Variants in CFAP20DC observed in about 807,000 individuals in gnomAD.
CFAP20DC encodes the protein protein CFAP20DC.
CFAP20DC carries 84 observed loss-of-function variants against 101.7 expected under a neutral mutation model. The observed-to-expected ratio is 0.83, with a 90% confidence interval of 0.69 to 0.99. The LOEUF is 0.99. Among genes scored for constraint, CFAP20DC ranks in the 50% least tolerant of loss-of-function variants. The pLI, the probability that CFAP20DC is intolerant of heterozygous loss-of-function variation, is 0.00. For synonymous variants in CFAP20DC, 359 were observed against 351.2 expected (o/e 1.02, Z -0.25); for missense variants, 1,007 against 970.3 (o/e 1.04, Z -0.50).
chr3:58,855,007 G>C (rs1235188034), intron 12 of CFAP20DC, among the ~76,000 whole-genome samples: 7 of 145,956 alleles, frequency 4.8e-5, no homozygotes, highest in East Asian at 2.0e-4. Flanking sequence ...AAACTAAAGA[G>C]CTTCTGCACA....
intron 4 of CFAP20DC, among the ~76,000 whole-genome samples, chr3:59,016,186 T>C (rs1345050051): frequency 6.6e-6 from 1 of 152,144 alleles, no homozygotes; most frequent in African/African-American, 2.4e-5. Flanking sequence ...AATGGAATAC[T>C]ATCCAGCCAT....
Position 59,001,001 on chromosome 3 carries a change from T to C in CFAP20DC, c.278+38556A>G, listed in dbSNP as rs2093293953. Among the ~76,000 whole-genome samples, 1 of 151,968 alleles carries C rather than the reference T, an allele frequency of 6.6e-6. No homozygotes were observed. The highest frequency in any genetic ancestry group is 2.1e-4 in the South Asian group (1 of 4,822). On this transcript the variant is annotated intron_variant, in intron 4 of 16. Coordinates refer to ENST00000482387, the MANE Select transcript of CFAP20DC (RefSeq NM_001394063.1). This position sits in a 1 kb window ranked among gnomAD's most constrained non-coding sequence, Gnocchi z 4.5. ...AGGAAAATGGATTTAAATTAAATGA[T>C]GAAAAATAAGAATTAACTTATTAAT...
Position 58,801,573 on chromosome 3 carries a change from C to T in CFAP20DC, c.2237+4822G>A, listed in dbSNP as rs542824339. On this transcript the variant is annotated intron_variant, in intron 15 of 16. Transcript: ENST00000482387. The stretch of plus-strand genomic sequence containing the variant: ...TCTTTTGTGATGGGAAACTAAAAAG[C>T]TTAATCAATAGAAGAGATGCCCATC... Among the ~76,000 whole-genome samples the T allele has an allele frequency of 6.5e-4, 99 of 151,948 alleles. 1 individual carries two copies. The South Asian group carries it at 9.1e-3, about 14-fold the overall frequency.
At chr3:58,738,042 T>A (rs962001683), downstream of CFAP20DC, among the ~76,000 whole-genome samples, 6 of 152,168 alleles carry the variant, frequency 3.9e-5, no homozygotes, top group Admixed American at 3.9e-4. This position sits in a 1 kb window ranked among gnomAD's most constrained non-coding sequence, Gnocchi z 4.4. Context: ...TTAACTAGTA[T>A]AATGGAGAAA....
intron 4 of CFAP20DC, among the ~76,000 whole-genome samples, chr3:58,973,674 T>A (rs1339052510): frequency 6.6e-6 from 1 of 152,180 alleles, no homozygotes; most frequent in Middle Eastern, 3.2e-3. Flanking sequence ...ACAGAATTCA[T>A]CCCACATAGT....
At chr3:58,906,944 A>C (rs1463476471) in intron 6 of CFAP20DC, among the ~76,000 whole-genome samples, 1 of 152,106 alleles carries the variant, frequency 6.6e-6, no homozygotes, top group Non-Finnish European at 1.5e-5. Context: ...AAAGCAAAAA[A>C]CAAGATGCAG....
intron 15 of CFAP20DC, among the ~76,000 whole-genome samples, chr3:58,754,704 T>C (rs543291949): frequency 2.0e-5 from 3 of 152,302 alleles, no homozygotes; most frequent in African/African-American, 7.2e-5. Context: ...ATTTCTGTAC[T>C]TCCTACGGTA....
chr3:58,940,449 G>C (rs2088378305), intron 4 of CFAP20DC, among the ~76,000 whole-genome samples: 1 of 152,186 alleles, frequency 6.6e-6, no homozygotes, highest in African/African-American at 2.4e-5. Flanking sequence ...ATTAGTTTCT[G>C]TGAGTTGTAT....
intron 12 of CFAP20DC, among the ~76,000 whole-genome samples, chr3:58,856,509 A>T (rs2078840425): frequency 6.6e-6 from 1 of 152,190 alleles, no homozygotes; most frequent in African/African-American, 2.4e-5. Flanking sequence ...TCTCTGCTGT[A>T]GGCCACTTAT....
At chr3:59,004,933 T>G (rs949786482) in intron 4 of CFAP20DC, among the ~76,000 whole-genome samples, 2 of 152,224 alleles carry the variant, frequency 1.3e-5, no homozygotes, top group South Asian at 4.1e-4. Context: ...TAACTACCTA[T>G]GTAACCAATC....
At chr3:58,895,672 T>C (rs2082608312) in intron 6 of CFAP20DC, among the ~76,000 whole-genome samples, 1 of 152,234 alleles carries the variant, frequency 6.6e-6, no homozygotes, top group Non-Finnish European at 1.5e-5. Context: ...TTTTCAGCAG[T>C]GCCCCAACTC....
Position 58,728,555 on chromosome 3 carries a change from A to G in CFAP20DC, c.198-10927T>C, listed in dbSNP as rs1385587572. The stretch of plus-strand genomic sequence containing the variant: ...TTAGGATGAAATGGAAGGCAGGCAC[A>G]GATTGGGTCAGTTGATTATTCTGTG... On this transcript the variant is annotated intron_variant, in intron 3 of 3. Coordinates refer to the CFAP20DC transcript ENST00000486145. This position sits in a 1 kb window ranked among gnomAD's most constrained non-coding sequence, Gnocchi z 4.7. Among the ~76,000 whole-genome samples the G allele has an allele frequency of 1.3e-5, 2 of 152,212 alleles. No individual in the cohort carries two copies. The highest frequency in any genetic ancestry group is 2.9e-5 in the Non-Finnish European group (2 of 68,030).
chr3:58,941,359 A>G (rs1456770450), intron 4 of CFAP20DC, among the ~76,000 whole-genome samples: 1 of 150,260 alleles, frequency 6.7e-6, no homozygotes, highest in African/African-American at 2.4e-5. Flanking sequence ...AAAAAAAAGA[A>G]AATTTCACTT....
chr3:58,940,227 G>C (rs889604304), intron 4 of CFAP20DC, among the ~76,000 whole-genome samples: 1 of 152,188 alleles, frequency 6.6e-6, no homozygotes, highest in African/African-American at 2.4e-5. Context: ...ACGTCAGGGA[G>C]ACAGCGATGA....
chr3:59,036,197 G>T (rs573383217), intron 4 of CFAP20DC, among the ~76,000 whole-genome samples: 1 of 152,274 alleles, frequency 6.6e-6, no homozygotes, highest in Non-Finnish European at 1.5e-5. Flanking sequence ...ATATCATACT[G>T]AATGGTCAAA....
chr3:59,038,315 A>T (rs960173452), intron 4 of CFAP20DC, among the ~76,000 whole-genome samples: 1 of 152,138 alleles, frequency 6.6e-6, no homozygotes, highest in Non-Finnish European at 1.5e-5. Flanking sequence ...AAAAAGAAGA[A>T]TGTGAAGAAA....
chr3:58,929,038 T>C (rs566868767), intron 5 of CFAP20DC, among the ~76,000 whole-genome samples: 1 of 152,322 alleles, frequency 6.6e-6, no homozygotes, highest in South Asian at 2.1e-4. Flanking sequence ...CCTTTCTTTA[T>C]AGTTTAAATA....
intron 14 of CFAP20DC, among the ~76,000 whole-genome samples, chr3:58,813,242 G>C (rs2074816691): frequency 6.6e-6 from 1 of 151,798 alleles, no homozygotes; most frequent in Non-Finnish European, 1.5e-5. Context: ...TCAAAACATA[G>C]CTGAACAACT....
chr3:59,031,755 T>A (rs2093998968), intron 4 of CFAP20DC, among the ~76,000 whole-genome samples: 2 of 152,178 alleles, frequency 1.3e-5, no homozygotes, highest in African/African-American at 4.8e-5. Flanking sequence ...TATAAACAAA[T>A]CATTAATATC....
Sources: allele counts gnomAD v4.1 joint callset (sites outside exome capture counted in the v4.1 genomes callset), GRCh38; gene constraint gnomAD v4.1.1; non-coding constraint Gnocchi (gnomAD v3.1); transcripts MANE v1.5; gene names NCBI Gene and HGNC (gene_info 2026-07-23, HGNC 2026-07-21).